The following C1QL4 variants were observed in gnomAD, a reference collection of about 807,000 sequenced individuals.
The protein encoded by C1QL4 is complement C1q-like protein 4.
C1QL4 carries 5 observed loss-of-function variants against 13.4 expected under a neutral mutation model. That is an observed-to-expected ratio of 0.37 (90% CI 0.19 to 0.78). C1QL4 has a LOEUF of 0.78. Ranked by LOEUF, C1QL4 falls within the 30% of genes least tolerant of loss-of-function variation. The pLI is 0.47. For synonymous variants in C1QL4, 168 were observed against 153.9 expected, an observed-to-expected ratio of 1.09 and a Z score of -0.68; for missense variants, 367 against 361.6, an observed-to-expected ratio of 1.01 and a Z score of -0.12.
At position 49,336,462 on chromosome 12, in the gene C1QL4, G is replaced by C. The variant is rs1299710234; in HGVS notation, c.16C>G (p.Leu6Val). 4 of 1,537,720 alleles carry C rather than the reference G, an allele frequency of 2.6e-6. No homozygotes were observed. The highest frequency in any genetic ancestry group is 2.0e-5 in the Admixed American group (1 of 51,200). MVLLL[L>V]VAIPLLVHSS... ...TGCACCAGCAGCGGGATGGCCACCA[G>C]CAGCAGCAGCACCATGGCCACTCCG... Residue 6 changes from leucine to valine, a missense_variant, in exon 1 of 2, where the codon CTG becomes GTG. Transcript: ENST00000334221. This position sits in a 1 kb window ranked among gnomAD's most constrained non-coding sequence, Gnocchi z 7.7.
Position 49,336,289 on chromosome 12 carries a change from G to C in C1QL4, c.189C>G (p.Arg63=). The part of the protein sequence containing the change: ...PPGAKGEVGR[R]GKAGLRGPPG... ...GGGGCCCCCGCAGGCCTGCTTTCCCGCGCCGGCCCACCTCTCCCTTGGCGC... is the reference window on the plus strand; with the variant it reads ...GGGGCCCCCGCAGGCCTGCTTTCCCCCGCCGGCCCACCTCTCCCTTGGCGC... The change falls in exon 1 of 2, where the codon CGC becomes CGG. Residue 63 remains arginine, a synonymous_variant. Transcript: ENST00000334221. This position sits in a 1 kb window ranked among gnomAD's most constrained non-coding sequence, Gnocchi z 7.7. The C allele has an allele frequency of 2.1e-6, 3 of 1,419,896 alleles. No individual in the cohort carries two copies. Among genetic ancestry groups the C allele is most frequent in the Middle Eastern group, 2.6e-4 (1 of 3,840 alleles). 88.0% of individuals were successfully genotyped at this position (1,419,896 alleles called of 1,614,324 possible).
At chr12:49,334,336 C>A (rs557819896) in intron 1 of C1QL4, among the ~76,000 whole-genome samples, 10 of 152,146 alleles carry the variant, frequency 6.6e-5, no homozygotes, top group African/African-American at 1.9e-4. Context: ...GCATAGGGTG[C>A]GGGCCATGAT....
At position 49,336,490 on chromosome 12, in the gene C1QL4, G is replaced by C. The variant is rs763629782; in HGVS notation, c.-13C>G. The C allele has an allele frequency of 3.4e-5, 51 of 1,485,646 alleles. 2 individuals carry two copies. The South Asian group carries it at 3.5e-4, about 10-fold the overall frequency. 92.0% of individuals were successfully genotyped at this position (1,485,646 alleles called of 1,614,324 possible). A position where few individuals can be genotyped will look rare whatever the true frequency, so the allele number is the denominator to read the frequency against. ...GCAGCAGCACCATGGCCACTCCGAC[G>C]GCCGCGCCCGCCACCCTCTTGCGGC... On this transcript the variant is annotated 5_prime_UTR_variant, in exon 1 of 2. Coordinates refer to ENST00000334221, the MANE Select transcript of C1QL4 (RefSeq NM_001008223.2). The surrounding 1 kb of genome is among the most constrained non-coding windows in gnomAD (Gnocchi z 7.7).
chr12:49,336,712 C>T lies in C1QL4; in HGVS notation c.-235G>A. On this transcript the variant is annotated 5_prime_UTR_variant, in exon 1 of 2. Coordinates refer to ENST00000334221, the MANE Select transcript of C1QL4 (RefSeq NM_001008223.2). The surrounding 1 kb of genome is among the most constrained non-coding windows in gnomAD (Gnocchi z 7.7). ...GCCGCGGCGGTGCCGCTCCCCAAGC[C>T]GTCCGTCAAGGGGAGGCCCCTCGTG... 2.1e-6 allele frequency: 1 copy of T among 484,182 alleles called. No individual in the cohort carries two copies. The highest frequency in any genetic ancestry group is 3.5e-6 in the Non-Finnish European group (1 of 281,920). 30.0% of individuals were successfully genotyped at this position (484,182 alleles called of 1,614,324 possible). A position where few individuals can be genotyped will look rare whatever the true frequency, so the allele number is the denominator to read the frequency against.
Position 49,332,931 on chromosome 12 carries a change from G to A in C1QL4, c.*123C>T. On this transcript the variant is annotated 3_prime_UTR_variant, in exon 2 of 2. Coordinates refer to ENST00000334221, the MANE Select transcript of C1QL4 (RefSeq NM_001008223.2). ...GTTCGCCCATTTAGGCCGCCTCCGG[G>A]AACGGAAGGGTCCACCCCACCGCCA... 9.5e-7 allele frequency: 1 copy of A among 1,056,596 alleles called. No individual in the cohort carries two copies. Among genetic ancestry groups the A allele is most frequent in the East Asian group, 2.6e-5 (1 of 38,256 alleles). The allele number at this position is 1,056,596 out of a possible 1,614,324, so 65.5% of individuals were successfully genotyped here. A position where few individuals can be genotyped will look rare whatever the true frequency, so the allele number is the denominator to read the frequency against.
In C1QL4 at chr12:49,336,530, G is replaced by A. The variant is rs1162701413; in HGVS notation, c.-53C>T. ...CCTCTTGCGGCGGCTCAGCCGCGAC[G>A]CTGCCAGGGCCAGCAAATCTTCCTC... On this transcript the variant is annotated 5_prime_UTR_variant, in exon 1 of 2. Coordinates refer to ENST00000334221, the MANE Select transcript of C1QL4 (RefSeq NM_001008223.2). This position sits in a 1 kb window ranked among gnomAD's most constrained non-coding sequence, Gnocchi z 7.7. 11 of 1,423,330 alleles carry A rather than the reference G, an allele frequency of 7.7e-6. No homozygotes were observed. The East Asian group carries it at 1.7e-4, about 22-fold the overall frequency. 88.2% of individuals were successfully genotyped at this position (1,423,330 alleles called of 1,614,324 possible).
Position 49,336,224 on chromosome 12 carries a change from C to A in C1QL4, c.254G>T (p.Gly85Val), listed in dbSNP as rs1592317130. Residue 85 changes from glycine (G) to valine (V), a missense_variant, in exon 1 of 2, where the codon GGC becomes GTC. Gly to Val is a moderately radical substitution (Grantham distance 109). Transcript: ENST00000334221. The surrounding 1 kb of genome is among the most constrained non-coding windows in gnomAD (Gnocchi z 7.7). The stretch of plus-strand genomic sequence containing the variant: ...GGGAGGGCCCGGGGGGCCTGGCCTG[C>A]CGGGTTCTCCTGGGGGCCCTCTTGG... Reference protein sequence around the residue: ...PGPRGPPGEPGRPGPPGPPGP... With the variant: ...PGPRGPPGEPVRPGPPGPPGP... 1 of 1,495,614 alleles carries A rather than the reference C, an allele frequency of 6.7e-7. No homozygotes were observed. The highest frequency in any genetic ancestry group is 2.3e-5 in the Admixed American group (1 of 43,130). The allele number at this position is 1,495,614 out of a possible 1,614,324, so 92.6% of individuals were successfully genotyped here. A position where few individuals can be genotyped will look rare whatever the true frequency, so the allele number is the denominator to read the frequency against.
At position 49,336,208 on chromosome 12, in the gene C1QL4, C is replaced by T. The variant is rs542447855; in HGVS notation, c.270G>A (p.Pro90=). The change falls in exon 1 of 2, where the codon CCG becomes CCA. Residue 90 remains proline, a synonymous_variant. Coordinates refer to ENST00000334221, the MANE Select transcript of C1QL4 (RefSeq NM_001008223.2). The surrounding 1 kb of genome is among the most constrained non-coding windows in gnomAD (Gnocchi z 7.7). ...PPGEPGRPGP[P]GPPGPGPGGV... is the part of the protein sequence containing the mutation. ...CGCCCGGACCTGGACCGGGAGGGCC[C>T]GGGGGGCCTGGCCTGCCGGGTTCTC... 8 of 1,543,438 alleles carry T rather than the reference C, an allele frequency of 5.2e-6. No homozygotes were observed. The South Asian group carries it at 8.4e-5, about 16-fold the overall frequency.
intron 1 of C1QL4, among the ~76,000 whole-genome samples, chr12:49,335,507 G>C (rs540617845): frequency 6.6e-6 from 1 of 152,290 alleles, no homozygotes; most frequent in Non-Finnish European, 1.5e-5. Context: ...ATTCTAATTC[G>C]AAGGAGCCTA....
chr12:49,336,150 T>C lies in C1QL4; in HGVS notation c.328A>G (p.Ile110Val). The C allele has an allele frequency of 6.2e-7, 1 of 1,607,114 alleles. No homozygotes were observed. The highest frequency in any genetic ancestry group is 8.5e-7 in the Non-Finnish European group (1 of 1,176,956). Residue 110 changes from isoleucine to valine, a missense_variant, in exon 1 of 2, where the codon ATT becomes GTT. Coordinates refer to ENST00000334221, the MANE Select transcript of C1QL4 (RefSeq NM_001008223.2). The surrounding 1 kb of genome is among the most constrained non-coding windows in gnomAD (Gnocchi z 7.7). The part of the protein sequence containing the change: ...VAPAAGYVPR[I>V]AFYAGLRRPH... ...CGCCGCAGGCCCGCGTAGAAAGCAA[T>C]GCGAGGCACGTAGCCGGCAGCGGGC...
In C1QL4 at chr12:49,332,826, G is replaced by A; in HGVS notation, c.*228C>T. 2 of 564,918 alleles carry A rather than the reference G, an allele frequency of 3.5e-6. No homozygotes were observed. The highest frequency in any genetic ancestry group is 3.8e-5 in the African/African-American group (2 of 52,668). The allele number at this position is 564,918 out of a possible 1,614,324, so 35.0% of individuals were successfully genotyped here. The stretch of plus-strand genomic sequence containing the variant: ...GGGTCCAGCGCGCACTTGGGTGCGG[G>A]TGATCCCTCCGGAAGTCGCTCTGCT... On this transcript the variant is annotated 3_prime_UTR_variant, in exon 2 of 2. Transcript: ENST00000334221.
At position 49,332,970 on chromosome 12, in the gene C1QL4, TG is replaced by T; in HGVS notation, c.*83del. On this transcript the variant is annotated 3_prime_UTR_variant, in exon 2 of 2. Coordinates refer to ENST00000334221, the MANE Select transcript of C1QL4 (RefSeq NM_001008223.2). ...ACCCCACCGCCAGGCTCTCAAAGGG[TG>T]GGGTGGCGCCTCGGGTGGGGCGGGC... The T allele has an allele frequency of 7.4e-7, 1 of 1,357,898 alleles. No individual in the cohort carries two copies. The allele number at this position is 1,357,898 out of a possible 1,614,324, so 84.1% of individuals were successfully genotyped here.
Position 49,336,657 on chromosome 12 carries a change from G to T in C1QL4, c.-180C>A. 3.0e-6 allele frequency: 2 copies of T among 672,702 alleles called. No individual in the cohort carries two copies. The highest frequency in any genetic ancestry group is 4.5e-6 in the Non-Finnish European group (2 of 445,146). 41.7% of individuals were successfully genotyped at this position (672,702 alleles called of 1,614,324 possible). A position where few individuals can be genotyped will look rare whatever the true frequency, so the allele number is the denominator to read the frequency against. On this transcript the variant is annotated 5_prime_UTR_variant, in exon 1 of 2. Transcript: ENST00000334221. This position sits in a 1 kb window ranked among gnomAD's most constrained non-coding sequence, Gnocchi z 7.7. ...TGCACTCCCCCGACGGCTGCCCCCC[G>T]CTCCCCTTACCCTGCCTCTGCGGGC...
rs1293386343 is a variant in C1QL4 at position 49,336,188 on chromosome 12, G to A, written c.290C>T (p.Pro97Leu). ...GCCGGCAGCGGGCGCCACCCCGCCCGGACCTGGACCGGGAGGGCCCGGGGG... is the reference window on the plus strand; with the variant it reads ...GCCGGCAGCGGGCGCCACCCCGCCCAGACCTGGACCGGGAGGGCCCGGGGG... ...PGPPGPPGPG[P>L]GGVAPAAGYV... is the part of the protein sequence containing the mutation. Residue 97 changes from proline to leucine, a missense_variant, in exon 1 of 2, where the codon CCG (proline) becomes CTG (leucine). Physicochemically the swap from Pro to Leu is moderately conservative, Grantham distance 98. Transcript: ENST00000334221. The surrounding 1 kb of genome is among the most constrained non-coding windows in gnomAD (Gnocchi z 7.7). The A allele has an allele frequency of 1.3e-6, 2 of 1,583,866 alleles. No homozygotes were observed. The highest frequency in any genetic ancestry group is 1.8e-5 in the Admixed American group (1 of 56,936).
rs1019949925 is a variant in C1QL4 at position 49,336,286 on chromosome 12, C to T, written c.192G>A (p.Gly64=). Residue 64 remains glycine, a synonymous_variant, in exon 1 of 2, where the codon GGG becomes GGA. Transcript: ENST00000334221. The surrounding 1 kb of genome is among the most constrained non-coding windows in gnomAD (Gnocchi z 7.7). ...PGAKGEVGRR[G]KAGLRGPPGP... Reference sequence around the variant, plus strand: ...CAGGGGGCCCCCGCAGGCCTGCTTTCCCGCGCCGGCCCACCTCTCCCTTGG... The same window carrying T: ...CAGGGGGCCCCCGCAGGCCTGCTTTTCCGCGCCGGCCCACCTCTCCCTTGG... 19 of 1,419,802 alleles carry T rather than the reference C, an allele frequency of 1.3e-5. No homozygotes were observed. The African/African-American group carries it at 2.9e-4, about 21-fold the overall frequency. The allele number at this position is 1,419,802 out of a possible 1,614,324, so 88.0% of individuals were successfully genotyped here.
In C1QL4 at chr12:49,332,474, G is replaced by GT. The variant is rs1032862389; in HGVS notation, c.*579_*580insA. 9 of 155,204 alleles carry GT rather than the reference G, an allele frequency of 5.8e-5. No individual in the cohort carries two copies. Among genetic ancestry groups the GT allele is most frequent in the African/African-American group, 2.2e-4 (9 of 41,454 alleles). 9.6% of individuals were successfully genotyped at this position (155,204 alleles called of 1,614,324 possible). A position where few individuals can be genotyped will look rare whatever the true frequency, so the allele number is the denominator to read the frequency against. On this transcript the variant is annotated 3_prime_UTR_variant, in exon 2 of 2. Transcript: ENST00000334221. Reference sequence around the variant, plus strand: ...TAGCCCCAGGGCCTAGTCCGGATAGGGGGGAATGGGGACTGTACAGAATGC... The same window carrying GT: ...TAGCCCCAGGGCCTAGTCCGGATAGGTGGGGAATGGGGACTGTACAGAATGC...
rs1943628353 is a variant in C1QL4 at position 49,336,048 on chromosome 12, C to G, written c.430G>C (p.Gly144Arg). ...CCTGGCATGGGGCAAGTAAACTTGC[C>G]GCTGGCTGCCTCGTAGGCGTTGCCC... ...NVGNAYEAAS[G>R]KFTCPMPGVY... Residue 144 changes from glycine to arginine, a missense_variant, in exon 1 of 2, where the codon GGC becomes CGC. Transcript: ENST00000334221. The surrounding 1 kb of genome is among the most constrained non-coding windows in gnomAD (Gnocchi z 7.7). 6.2e-7 allele frequency: 1 copy of G among 1,612,088 alleles called. No homozygotes were observed. The highest frequency in any genetic ancestry group is 8.5e-7 in the Non-Finnish European group (1 of 1,179,868).
chr12:49,334,619 G>C (rs1037513360), intron 1 of C1QL4, among the ~76,000 whole-genome samples: 2 of 152,136 alleles, frequency 1.3e-5, no homozygotes, highest in African/African-American at 2.4e-5. Context: ...TGGGAGCTGC[G>C]CAGTCCCCTC....
intron 1 of C1QL4, among the ~76,000 whole-genome samples, chr12:49,335,698 T>C (rs1355212123): frequency 6.6e-6 from 1 of 152,122 alleles, no homozygotes; most frequent in African/African-American, 2.4e-5. Context: ...GACACTCAGG[T>C]TTAAGTCCTG....
Sources: gnomAD v4.1 joint callset for allele counts (sites outside exome capture counted in the v4.1 genomes callset) on GRCh38, gnomAD v4.1.1 for gene constraint, Gnocchi (gnomAD v3.1) non-coding constraint, MANE v1.5 for transcripts, NCBI Gene and HGNC (gene_info 2026-07-23, HGNC 2026-07-21) for gene names.